SPATA33: variants seen among roughly 807,000 people sequenced by gnomAD.
The protein encoded by SPATA33 is spermatogenesis associated 33.
A neutral mutation model predicts 8.9 loss-of-function variants in SPATA33; 10 were observed. That is an observed-to-expected ratio of 1.12 (90% CI 0.69 to 1.90). SPATA33 has a LOEUF of 1.90. Ranked by LOEUF, SPATA33 falls within the 40% of genes most tolerant of loss-of-function variation. The probability of loss-of-function intolerance (pLI) is 0.00; values close to 1 mark genes in which losing one functional copy is unlikely to be tolerated. For synonymous variants in SPATA33, 96 were observed against 72.8 expected (o/e 1.32, Z -1.63); for missense variants, 241 against 178.3 (o/e 1.35, Z -2.00).
intron 2 of SPATA33, chr16:89,660,359 TG>T: frequency 2.9e-6 from 2 of 690,674 alleles, no homozygotes; most frequent in Non-Finnish European, 4.0e-6. Context: ...AGCATGGGAG[TG>T]GGCAGGACCT....
At chr16:89,660,456 G>C (rs2059952080) in intron 2 of SPATA33, 3 of 1,231,720 alleles carry the variant, frequency 2.4e-6, no homozygotes, top group African/African-American at 3.1e-5. Context: ...GGGGGAGGAA[G>C]GTGGACATGA....
chr16:89,662,158 GTGGT>G (rs1365326246), intron 2 of SPATA33, among the ~76,000 whole-genome samples: 1 of 151,992 alleles, frequency 6.6e-6, no homozygotes, highest in Non-Finnish European at 1.5e-5. Flanking sequence ...GCTGGGTGTG[GTGGT>G]GCACACCTGT....
rs2059914206 is a variant in SPATA33, at chr16:89,658,392, A to G, written c.182A>G (p.Lys61Arg). 2 of 1,611,560 alleles carry G rather than the reference A, an allele frequency of 1.2e-6. No homozygotes were observed. Among genetic ancestry groups the G allele is most frequent in the African/African-American group, 1.3e-5 (1 of 74,896 alleles). ...CTCCACCCGGGGGCCGGGACAGCCA[A>G]GCACCCGCCGCCGGCAGCTTCGCTG... ...DSLHPGAGTA[K>R]HPPPAASLEE... The change falls in exon 2 of 3, where the codon AAG becomes AGG. Residue 61 changes from lysine to arginine, a missense_variant. Transcript: ENST00000579310.
intron 2 of SPATA33, among the ~76,000 whole-genome samples, chr16:89,667,300 C>G (rs2060039460): frequency 6.6e-6 from 1 of 152,174 alleles, no homozygotes; most frequent in Non-Finnish European, 1.5e-5. Flanking sequence ...CCCCCCAGCT[C>G]CTGTCTCTGT....
chr16:89,658,283 C>A lies in SPATA33; in HGVS notation c.73C>A (p.Pro25Thr), dbSNP rs745841132. 6.2e-7 allele frequency: 1 copy of A among 1,614,072 alleles called. No individual in the cohort carries two copies. Among genetic ancestry groups the A allele is most frequent in the African/African-American group, 1.3e-5 (1 of 74,956 alleles). ...AAAGAAGGGATCCACCTATTCAGTT[C>A]CAAAATCTAAGGAGAAGTTGATGGA... ...EQKKGSTYSV[P>T]KSKEKLMEKH... The change falls in exon 2 of 3, where the codon CCA (proline) becomes ACA (threonine). Residue 25 changes from proline (P) to threonine (T), a missense_variant. Transcript: ENST00000579310.
At chr16:89,657,813 C>A, upstream of SPATA33, 2 of 1,493,322 alleles carry the variant, frequency 1.3e-6, no homozygotes, top group Non-Finnish European at 1.8e-6. Context: ...TGGTGACGCA[C>A]GCCGCTGGCG....
At chr16:89,659,228 G>GGTCAGAGACCCATTGCTGTGGCCCA (rs1215909465) in intron 2 of SPATA33, 5 of 152,300 alleles carry the variant, frequency 3.3e-5, no homozygotes, top group African/African-American at 1.2e-4. Flanking sequence ...GAGGTGGCCC[G>GGTCAGAGACCCATTGCTGTGGCCCA]GTCAGAGACC....
chr16:89,661,065 A>C, intron 2 of SPATA33: 1 of 986,854 alleles, frequency 1.0e-6, no homozygotes, highest in South Asian at 4.7e-5. Context: ...TCCTGAACCC[A>C]TAAAATCCAG....
chr16:89,660,458 T>G (rs1447325770), intron 2 of SPATA33: 4 of 1,231,542 alleles, frequency 3.2e-6, no homozygotes, highest in Non-Finnish European at 3.0e-6. Flanking sequence ...GGGAGGAAGG[T>G]GGACATGAAG....
upstream of SPATA33, chr16:89,657,833 T>C (rs983465542): frequency 2.0e-6 from 3 of 1,512,274 alleles, no homozygotes; most frequent in African/African-American, 4.4e-5. Context: ...GCGAGGACCT[T>C]TTGTGAGTCG....
intron 1 of SPATA33, 56 bp downstream of exon 1, chr16:89,658,004 A>C: frequency 6.7e-7 from 1 of 1,501,082 alleles, no homozygotes; most frequent in South Asian, 1.2e-5. Context: ...GCGCGGGCCC[A>C]GGGCGGGGCT....
At chr16:89,657,976 C>T in intron 1 of SPATA33, 28 bp downstream of exon 1, 1 of 1,505,588 alleles carries the variant, frequency 6.6e-7, no homozygotes, top group Non-Finnish European at 8.8e-7. Context: ...GCTGGGCTCC[C>T]CGCGTCTCCG....
At chr16:89,661,023 A>C (rs1046692839) in intron 2 of SPATA33, 3 of 990,284 alleles carry the variant, frequency 3.0e-6, no homozygotes, top group Non-Finnish European at 3.6e-6. Context: ...CTGCCTGGAC[A>C]ACCACACGTG....
In SPATA33 at chr16:89,662,989, T is replaced by C. The variant is rs188092799; in HGVS notation, c.211+4568T>C. ...TTGTATTTTTAGTAGAGACGGGGTT[T>C]CACCATGTTGGTCAGGCTGGTCTCA... On this transcript the variant is annotated intron_variant, in intron 2 of 2. Transcript: ENST00000579310. 4.0e-5 allele frequency among the ~76,000 whole-genome samples: 6 copies of C among 150,268 alleles called. No homozygotes were observed. The East Asian group carries it at 1.2e-3, about 30-fold the overall frequency.
At chr16:89,662,916 C>T (rs1440163613) in intron 2 of SPATA33, among the ~76,000 whole-genome samples, 1 of 152,084 alleles carries the variant, frequency 6.6e-6, no homozygotes, top group Non-Finnish European at 1.5e-5. Context: ...GCCTCAGCCT[C>T]CCGAGTAGCT....
intron 2 of SPATA33, chr16:89,661,268 A>C (rs914934032): frequency 8.5e-6 from 8 of 937,610 alleles, no homozygotes; most frequent in Non-Finnish European, 7.6e-6. Context: ...TGTGGGAGGA[A>C]CTGGGTGGGA....
intron 2 of SPATA33, chr16:89,660,527 G>C: frequency 5.7e-6 from 7 of 1,231,868 alleles, no homozygotes; most frequent in Non-Finnish European, 7.1e-6. Context: ...AAGTGTGCAC[G>C]CTCTCCATGC....
At position 89,669,842 on chromosome 16, in the gene SPATA33, C is replaced by G; in HGVS notation, c.*345C>G. 2 of 338,880 alleles carry G rather than the reference C, an allele frequency of 5.9e-6. 1 individual carries two copies. Among genetic ancestry groups the G allele is most frequent in the South Asian group, 6.3e-5 (2 of 31,714 alleles). The allele number at this position is 338,880 out of a possible 1,614,324, so 21.0% of individuals were successfully genotyped here. ...CTGTGAGAACCTGCAGCCCCCTTCT[C>G]CAATGCTCTCGGGGAGGGTACACCA... On this transcript the variant is annotated 3_prime_UTR_variant, in exon 3 of 3. Transcript: ENST00000579310.
chr16:89,660,396 G>A (rs1352805150), intron 2 of SPATA33: 3 of 1,118,564 alleles, frequency 2.7e-6, no homozygotes, highest in East Asian at 3.2e-5. Context: ...GTGGGGGAAG[G>A]AGGACCGCCT....
Sources: gnomAD v4.1 joint callset for allele counts (sites outside exome capture counted in the v4.1 genomes callset) on GRCh38, gnomAD v4.1.1 for gene constraint, MANE v1.5 for transcripts, NCBI Gene and HGNC (gene_info 2026-07-23, HGNC 2026-07-21) for gene names.